Variants in ODAD2 observed in about 807,000 individuals in gnomAD.
The protein encoded by ODAD2 is outer dynein arm-docking complex subunit 2.
A neutral mutation model predicts 106.8 loss-of-function variants in ODAD2; 89 were observed. That is an observed-to-expected ratio of 0.83 (90% CI 0.70 to 0.99). The LOEUF (loss-of-function observed/expected upper bound fraction) is 0.99, where lower values mean the gene tolerates loss of function less well. ODAD2 is among the 50% of genes least tolerant of loss of function. The pLI is 0.00. For missense variants in ODAD2, 1,168 were observed against 1,238.5 expected (o/e 0.94, Z 0.85); for synonymous variants, 404 against 436.2 (o/e 0.93, Z 0.92).
At chr10:27,845,283 A>G (rs112744129) in intron 19 of ODAD2, among the ~76,000 whole-genome samples, 15 of 152,348 alleles carry the variant, frequency 9.8e-5, no homozygotes, top group African/African-American at 3.6e-4. Context: ...TCTTAAAGAA[A>G]AGAATTTTCA....
intron 10 of ODAD2, among the ~76,000 whole-genome samples, chr10:27,959,333 A>G (rs945738593): frequency 2.6e-5 from 4 of 151,984 alleles, no homozygotes; most frequent in African/African-American, 9.7e-5. Flanking sequence ...AGAGCTGCCC[A>G]CCTCAGAGAG....
chr10:27,849,834 T>G (rs941791124), intron 19 of ODAD2, among the ~76,000 whole-genome samples: 8 of 152,196 alleles, frequency 5.3e-5, no homozygotes, highest in Non-Finnish European at 1.0e-4. Context: ...GCAGTAATTT[T>G]CAATTCTTTT....
chr10:27,965,525 G>A (rs1375038028), intron 9 of ODAD2, among the ~76,000 whole-genome samples: 16 of 152,192 alleles, frequency 1.1e-4, no homozygotes, highest in South Asian at 2.1e-4. Context: ...AGCAAGATAC[G>A]GAGGAGAGTC....
chr10:27,932,857 A>G (rs745437400), intron 16 of ODAD2, among the ~76,000 whole-genome samples: 2 of 152,260 alleles, frequency 1.3e-5, no homozygotes, highest in Non-Finnish European at 2.9e-5. Flanking sequence ...TTCCACACAT[A>G]TAATAGAATG....
chr10:27,924,149 T>C (rs1158261291), intron 16 of ODAD2, among the ~76,000 whole-genome samples: 1 of 151,956 alleles, frequency 6.6e-6, no homozygotes, highest in Non-Finnish European at 1.5e-5. Flanking sequence ...ATAAGCTTCA[T>C]TAACAGTTGA....
At chr10:27,853,917 C>T (rs577454699) in intron 19 of ODAD2, among the ~76,000 whole-genome samples, 28 of 152,252 alleles carry the variant, frequency 1.8e-4, no homozygotes, top group African/African-American at 6.3e-4. Flanking sequence ...GCGTTAAAAA[C>T]TTCTGCTCTT....
At chr10:27,982,801 A>C (rs747873854) in intron 6 of ODAD2, among the ~76,000 whole-genome samples, 1 of 152,156 alleles carries the variant, frequency 6.6e-6, no homozygotes, top group African/African-American at 2.4e-5. Context: ...CAGAGGTGAA[A>C]GCTAAGCTCC....
In ODAD2 at chr10:27,981,544, T is replaced by A; in HGVS notation, c.858A>T (p.Arg286Ser). Reference sequence around the variant, plus strand: ...CAAGGTTTTTATAAATTGAACCTTTTCTCTCATAATTAACGTCCCCTTCAT... The same window carrying A: ...CAAGGTTTTTATAAATTGAACCTTTACTCTCATAATTAACGTCCCCTTCAT... ...TDDEGDVNYE[R>S]KGSIYKNLVT... is the part of the protein sequence containing the mutation. The change falls in exon 7 of 20, where the codon AGA becomes AGT. Residue 286 changes from arginine to serine, a missense_variant. Physicochemically the swap from Arg to Ser is moderately radical, Grantham distance 110 (BLOSUM62 -1). Coordinates refer to ENST00000305242, the MANE Select transcript of ODAD2 (RefSeq NM_018076.5). 1 of 1,540,862 alleles carries A rather than the reference T, an allele frequency of 6.5e-7. No individual in the cohort carries two copies. The highest frequency in any genetic ancestry group is 2.5e-5 in the East Asian group (1 of 40,448).
At chr10:27,832,270 C>A (rs1337224333) in intron 19 of ODAD2, among the ~76,000 whole-genome samples, 2 of 152,216 alleles carry the variant, frequency 1.3e-5, no homozygotes, top group Non-Finnish European at 2.9e-5. Flanking sequence ...TGCCTGGACA[C>A]AATGTCTCTG....
Position 27,987,415 on chromosome 10 carries a change from T to A in ODAD2, c.353A>T (p.Lys118Met), listed in dbSNP as rs773226329. ...SRLLLIAKTGKLKEAQACVEA... is the reference protein window; with the variant it reads ...SRLLLIAKTGMLKEAQACVEA... ...AACACATGCTTGGGCTTCCTTCAAC[T>A]TCCCAGTTTTGGCAATAAGTAACAA... is the stretch of plus-strand genomic sequence containing the variant. Residue 118 changes from lysine to methionine, a missense_variant, in exon 3 of 20, where the codon AAG (lysine) becomes ATG (methionine). This residue lies in a region of ODAD2 where 430 missense variants were observed against 452.2 expected (regional missense o/e 0.95). Coordinates refer to ENST00000305242, the MANE Select transcript of ODAD2 (RefSeq NM_018076.5). 1 of 1,613,640 alleles carries A rather than the reference T, an allele frequency of 6.2e-7. No homozygotes were observed. The highest frequency in any genetic ancestry group is 1.7e-5 in the Admixed American group (1 of 59,988).
At chr10:27,959,805 C>G (rs1847997178) in intron 10 of ODAD2, among the ~76,000 whole-genome samples, 1 of 151,986 alleles carries the variant, frequency 6.6e-6, no homozygotes, top group Admixed American at 6.6e-5. Context: ...TCATAATAAA[C>G]AGTGAATCAT....
chr10:27,930,766 A>G (rs1178245399), intron 16 of ODAD2, among the ~76,000 whole-genome samples: 1 of 152,144 alleles, frequency 6.6e-6, no homozygotes. Context: ...TGCTTTTGTG[A>G]TGGAATCACC....
intron 19 of ODAD2, among the ~76,000 whole-genome samples, chr10:27,825,257 C>T (rs1442905512): frequency 2.6e-5 from 4 of 152,216 alleles, no homozygotes; most frequent in Admixed American, 1.3e-4. Context: ...ATCTCTTGAA[C>T]TGAATTTAAT....
Position 27,827,848 on chromosome 10 carries a change from C to T in ODAD2, c.3022-15223G>A, listed in dbSNP as rs17830306. Among the ~76,000 whole-genome samples, 149 of 152,290 alleles carry T rather than the reference C, an allele frequency of 9.8e-4. 3 individuals are homozygous for T. The East Asian group carries it at 0.02, about 20-fold the overall frequency. On this transcript the variant is annotated intron_variant, in intron 19 of 19. Transcript: ENST00000305242. ...TCCCCAGAAAGGTTCACAGGGTCTT[C>T]GGCAGGCTCCAGTGATATTGTCCCC...
chr10:27,886,275 A>T (rs1842214316), intron 17 of ODAD2, among the ~76,000 whole-genome samples: 1 of 151,942 alleles, frequency 6.6e-6, no homozygotes. Context: ...AGTGAAAAAA[A>T]AAAGCAACAT....
chr10:27,885,696 A>AAATATATATTATATAT (rs1491556365), intron 17 of ODAD2, among the ~76,000 whole-genome samples: 23,008 of 44,398 alleles, frequency 0.52, 7,881 homozygotes, highest in Non-Finnish European at 0.64. Flanking sequence ...ATAATATATA[A>AAATATATATTATATAT]TATATATAAA....
At chr10:27,814,709 C>A (rs1835995102) in intron 19 of ODAD2, among the ~76,000 whole-genome samples, 1 of 152,196 alleles carries the variant, frequency 6.6e-6, no homozygotes, top group African/African-American at 2.4e-5. Flanking sequence ...TCCTCCATAA[C>A]CAGCTTAGAT....
chr10:27,948,545 C>T (rs1273221911), intron 10 of ODAD2, among the ~76,000 whole-genome samples: 6 of 152,104 alleles, frequency 3.9e-5, no homozygotes, highest in African/African-American at 1.4e-4. Flanking sequence ...TTAAATCTCC[C>T]CTAAGAACAT....
At chr10:27,920,299 T>A (rs112909482) in intron 16 of ODAD2, among the ~76,000 whole-genome samples, 2,503 of 152,304 alleles carry the variant, frequency 0.016, 51 homozygotes, top group African/African-American at 0.048. Flanking sequence ...ATTAAAAAAA[T>A]TTTAAAGGCT....
Sources: gnomAD v4.1 joint callset for allele counts (sites outside exome capture counted in the v4.1 genomes callset) on GRCh38, gnomAD v4.1.1 for gene constraint, gnomAD v4.1.1 regional missense constraint, MANE v1.5 for transcripts, NCBI Gene and HGNC (gene_info 2026-07-23, HGNC 2026-07-21) for gene names.